UBR1: variants seen among roughly 807,000 people sequenced by gnomAD.
UBR1 encodes the protein ubiquitin protein ligase E3 component n-recognin 1.
Under a neutral mutation model 242.1 loss-of-function variants are expected in UBR1, and 102 were observed. That is an observed-to-expected ratio of 0.42 (90% CI 0.36 to 0.50). UBR1 has a LOEUF of 0.50. Ranked by LOEUF, UBR1 falls within the 20% of genes least tolerant of loss-of-function variation. The pLI is 0.01. For synonymous variants in UBR1, 675 were observed against 684.8 expected, an observed-to-expected ratio of 0.99 and a Z score of 0.22; for missense variants, 1,772 against 2,101.8, an observed-to-expected ratio of 0.84 and a Z score of 3.07.
At chr15:42,958,273 C>T (rs2031956157) in intron 43 of UBR1, among the ~76,000 whole-genome samples, 183 bp from the exon 44 acceptor site, 1 of 152,208 alleles carries the variant, frequency 6.6e-6, no homozygotes, top group Admixed American at 6.5e-5. Context: ...AATCTTTCAT[C>T]AGCTGGATTC....
chr15:42,951,162 C>A (rs1206423248), intron 45 of UBR1, among the ~76,000 whole-genome samples: 1 of 152,074 alleles, frequency 6.6e-6, no homozygotes, highest in African/African-American at 2.4e-5. Context: ...GGATATATAT[C>A]CACTTTGAAT....
At chr15:43,047,047 A>T in intron 14 of UBR1, 114 bp downstream of exon 14, 2 of 1,235,726 alleles carry the variant, frequency 1.6e-6, no homozygotes, top group South Asian at 1.3e-5. Flanking sequence ...ATATGTAAAA[A>T]GCTACTATAA....
intron 19 of UBR1, among the ~76,000 whole-genome samples, chr15:43,034,472 T>C (rs951097512): frequency 4.6e-5 from 7 of 151,830 alleles, no homozygotes; most frequent in Non-Finnish European, 1.0e-4. Context: ...AAATAAAATT[T>C]GTATATTACC....
chr15:43,037,702 TA>T, intron 17 of UBR1, 70 bp downstream of exon 17: 1 of 1,333,754 alleles, frequency 7.5e-7, no homozygotes. Flanking sequence ...GAACACAGGG[TA>T]AAATCATATA....
chr15:43,085,881 A>G (rs529363565), intron 2 of UBR1, 103 bp downstream of exon 2: 1 of 1,270,636 alleles, frequency 7.9e-7, no homozygotes. Flanking sequence ...AGATCGCACC[A>G]CTGCACTCCA....
At chr15:43,047,359 T>C (rs2033499073) in intron 13 of UBR1, 70 bp from the exon 14 acceptor site, 9 of 1,606,892 alleles carry the variant, frequency 5.6e-6, no homozygotes, top group Non-Finnish European at 7.7e-6. Flanking sequence ...TGGCAAAATA[T>C]AAAACTGTCA....
intron 12 of UBR1, among the ~76,000 whole-genome samples, chr15:43,049,423 C>T (rs1386867904): frequency 6.6e-5 from 10 of 152,074 alleles, no homozygotes; most frequent in Admixed American, 1.3e-4. Flanking sequence ...ATTAGCTGGG[C>T]GTGGTGGCGG....
intron 3 of UBR1, 52 bp from the exon 4 acceptor site, chr15:43,075,141 G>C (rs748639726): frequency 1.5e-6 from 2 of 1,308,050 alleles, no homozygotes; most frequent in Non-Finnish European, 2.2e-6. Context: ...TACTAAGCAT[G>C]AAGAATGATA....
chr15:43,000,535 A>G lies in UBR1; in HGVS notation c.3659+2020T>C, dbSNP rs2032707741. Among the ~76,000 whole-genome samples the G allele has an allele frequency of 2.6e-5, 4 of 152,200 alleles. No individual in the cohort carries two copies. The South Asian group carries it at 8.3e-4, about 31-fold the overall frequency. The stretch of plus-strand genomic sequence containing the variant: ...CCTTTATCTTTGTCTTCTGCTGTAT[A>G]GTTAGGTAAGGCTTTGGAGTCAGGT... On this transcript the variant is annotated intron_variant, in intron 32 of 46. Coordinates refer to ENST00000290650, the MANE Select transcript of UBR1 (RefSeq NM_174916.3).
At position 42,945,373 on chromosome 15, in the gene UBR1, C is replaced by T. The variant is rs774579159; in HGVS notation, c.5206G>A (p.Glu1736Lys). 2 of 1,614,170 alleles carry T rather than the reference C, an allele frequency of 1.2e-6. No homozygotes were observed. The highest frequency in any genetic ancestry group is 1.7e-5 in the Admixed American group (1 of 60,006). ...AATCCAAATAACATCTGATTAGTCT[C>T]TTGGCTCCTAGCAATCTCTTCTATA... ...CIIEEIARSQ[E>K]TNQMLFGFNW... The change falls in exon 47 of 47, where the codon GAG (glutamate) becomes AAG (lysine). Residue 1736 changes from glutamate to lysine, a missense_variant. Coordinates refer to ENST00000290650, the MANE Select transcript of UBR1 (RefSeq NM_174916.3).
intron 6 of UBR1, among the ~76,000 whole-genome samples, chr15:43,063,299 C>T (rs1030733277): frequency 6.6e-6 from 1 of 152,164 alleles, no homozygotes; most frequent in Non-Finnish European, 1.5e-5. Flanking sequence ...CAGATCTTTC[C>T]GTTCCATATG....
Position 43,058,427 on chromosome 15 carries a change from C to T in UBR1, c.1096G>A (p.Ala366Thr). 6.2e-7 allele frequency: 1 copy of T among 1,609,758 alleles called. No individual in the cohort carries two copies. The highest frequency in any genetic ancestry group is 8.5e-7 in the Non-Finnish European group (1 of 1,177,636). Residue 366 changes from alanine (A) to threonine (T), a missense_variant and splice_region_variant, in exon 10 of 47, where the codon GCC (alanine) becomes ACC (threonine). Physicochemically the swap from Ala to Thr is moderately conservative, Grantham distance 58 (BLOSUM62 0). Transcript: ENST00000290650. ...MLWDAKLYKG[A>T]RKILHELIFS... is the part of the protein sequence containing the mutation. ...ATCAATTCATGAAGGATCTTACGGG[C>T]ACCTATAGATTATTTTGGGGAGGGT...
At chr15:42,985,765 G>A (rs1391250765) in intron 35 of UBR1, among the ~76,000 whole-genome samples, 1 of 151,962 alleles carries the variant, frequency 6.6e-6, no homozygotes, top group Non-Finnish European at 1.5e-5. Flanking sequence ...GAGGCAGGAG[G>A]ACTGCTTGAG....
At chr15:43,000,340 A>C (rs11632981) in intron 32 of UBR1, among the ~76,000 whole-genome samples, 2,791 of 152,312 alleles carry the variant, frequency 0.018, 30 homozygotes, top group Admixed American at 0.036. Context: ...CAGTTTTCTG[A>C]ATTTAGAAAG....
intron 1 of UBR1, among the ~76,000 whole-genome samples, chr15:43,086,965 A>G (rs1666251848): frequency 6.6e-6 from 1 of 152,204 alleles, no homozygotes; most frequent in African/African-American, 2.4e-5. Context: ...GCCTGTGAAT[A>G]GGCACCGCAC....
intron 6 of UBR1, among the ~76,000 whole-genome samples, chr15:43,064,450 C>G (rs2033728465): frequency 6.6e-6 from 1 of 152,096 alleles, no homozygotes. Flanking sequence ...AGCTGTCCAA[C>G]AAGCAAAGCA....
chr15:43,038,011 G>C (rs1348241859), intron 16 of UBR1, 128 bp from the exon 17 acceptor site: 2 of 1,196,934 alleles, frequency 1.7e-6, no homozygotes, highest in African/African-American at 3.0e-5. Flanking sequence ...TGACGTCTAA[G>C]TCCCTGTGAC....
At position 42,952,313 on chromosome 15, in the gene UBR1, T is replaced by G; in HGVS notation, c.4971A>C (p.Ala1657=). Residue 1657 remains alanine, a synonymous_variant, in exon 45 of 47, where the codon GCA becomes GCC. Transcript: ENST00000290650. ...TGCAGACTCCGGCTCCACAGTGAAG[T>G]GCGTGAAAAATGCAAGCTCCAACCT... is the stretch of plus-strand genomic sequence containing the variant. ...GEEVGACIFH[A]LHCGAGVCIF... 2 of 1,614,152 alleles carry G rather than the reference T, an allele frequency of 1.2e-6. No homozygotes were observed. The highest frequency in any genetic ancestry group is 1.7e-6 in the Non-Finnish European group (2 of 1,180,022).
intron 2 of UBR1, among the ~76,000 whole-genome samples, chr15:43,085,410 G>C (rs764125260): frequency 5.3e-5 from 8 of 152,188 alleles, no homozygotes; most frequent in Non-Finnish European, 4.4e-5. Flanking sequence ...CATTCCGTTG[G>C]AGAACAGGAA....
Sources: gnomAD v4.1 joint callset for allele counts (sites outside exome capture counted in the v4.1 genomes callset) on GRCh38, gnomAD v4.1.1 for gene constraint, MANE v1.5 for transcripts, NCBI Gene and HGNC (gene_info 2026-07-23, HGNC 2026-07-21) for gene names.